Variants in TRHDE observed in about 807,000 individuals in gnomAD.
TRHDE encodes thyrotropin-releasing hormone-degrading ectoenzyme.
Under a neutral mutation model 125.7 loss-of-function variants are expected in TRHDE, and 72 were observed. The observed-to-expected ratio is 0.57, with a 90% CI of 0.47 to 0.70. TRHDE has a LOEUF of 0.70. Among genes scored for constraint, TRHDE ranks in the 30% least tolerant of loss-of-function variants. The pLI is 0.00. For synonymous variants in TRHDE, 509 were observed against 509.1 expected (o/e 1.00, Z 0.00); for missense variants, 1,110 against 1,327.1 (o/e 0.84, Z 2.54).
At chr12:72,411,840 T>A (rs1873524432) in intron 3 of TRHDE, among the ~76,000 whole-genome samples, 1 of 152,112 alleles carries the variant, frequency 6.6e-6, no homozygotes, top group Non-Finnish European at 1.5e-5. Context: ...TTGAGGGATA[T>A]TTGAGCAGTG....
chr12:72,544,822 G>T (rs1458672139), intron 7 of TRHDE, among the ~76,000 whole-genome samples: 2 of 151,428 alleles, frequency 1.3e-5, no homozygotes, highest in Non-Finnish European at 1.5e-5. Flanking sequence ...AGGTTTCTGG[G>T]TTAGTTCACA....
intron 2 of TRHDE, among the ~76,000 whole-genome samples, chr12:72,210,493 C>T (rs1877758397): frequency 6.6e-6 from 1 of 151,794 alleles, no homozygotes; most frequent in African/African-American, 2.4e-5. Context: ...ATAATGTTGT[C>T]CAAATAATGT....
intron 2 of TRHDE, among the ~76,000 whole-genome samples, chr12:72,159,862 T>A (rs1205704474): frequency 6.6e-6 from 1 of 152,162 alleles, no homozygotes; most frequent in Non-Finnish European, 1.5e-5. Flanking sequence ...TTTTTTCTAA[T>A]TTCTTTCCTT....
rs1438675357 is a variant in TRHDE, at chr12:72,634,871, T to C, written c.2675+13120T>C. Among the ~76,000 whole-genome samples, 19 of 152,104 alleles carry C rather than the reference T, an allele frequency of 1.2e-4. No individual in the cohort carries two copies. In the East Asian group the frequency reaches 3.5e-3, roughly 28 times the overall value. Reference sequence around the variant, plus strand: ...GCTGCATAGTATTCCATGGTGTATATGTGCCACATTTTCTTAATCCAGTCT... The same window carrying C: ...GCTGCATAGTATTCCATGGTGTATACGTGCCACATTTTCTTAATCCAGTCT... On this transcript the variant is annotated intron_variant, in intron 15 of 18. Coordinates refer to ENST00000261180, the MANE Select transcript of TRHDE (RefSeq NM_013381.3).
chr12:72,129,073 A>G (rs779388482), intron 2 of TRHDE, among the ~76,000 whole-genome samples: 2 of 152,208 alleles, frequency 1.3e-5, no homozygotes, highest in Non-Finnish European at 2.9e-5. Flanking sequence ...GGAACAAAGA[A>G]TAGGATGAAA....
At position 72,273,809 on chromosome 12, in the gene TRHDE, G is replaced by T. The variant is rs1879368782; in HGVS notation, c.914+252G>T. 1 of 475,494 alleles carries T rather than the reference G, an allele frequency of 2.1e-6. No individual in the cohort carries two copies. The highest frequency in any genetic ancestry group is 3.8e-6 in the Non-Finnish European group (1 of 265,922). The allele number at this position is 475,494 out of a possible 1,614,324, so 29.5% of individuals were successfully genotyped here. ...GAATGCTGCCCCCTCCTCTAGTCGG[G>T]ACCTCTCCTCTTCCTGTCAGAGTTC... is the stretch of plus-strand genomic sequence containing the variant. On this transcript the variant is annotated intron_variant, in intron 1 of 18. Coordinates refer to ENST00000261180, the MANE Select transcript of TRHDE (RefSeq NM_013381.3). This position sits in a 1 kb window ranked among gnomAD's most constrained non-coding sequence, Gnocchi z 5.3.
At chr12:72,357,158 A>G (rs961928920) in intron 2 of TRHDE, among the ~76,000 whole-genome samples, 18 of 151,564 alleles carry the variant, frequency 1.2e-4, no homozygotes, top group African/African-American at 4.4e-4. Flanking sequence ...TACCAACAGC[A>G]TTCTTCACAG....
intron 3 of TRHDE, among the ~76,000 whole-genome samples, chr12:72,420,886 T>C (rs1225832046): frequency 6.6e-6 from 1 of 152,224 alleles, no homozygotes; most frequent in African/African-American, 2.4e-5. Context: ...TCGTAGACTT[T>C]TCATACACAT....
intron 2 of TRHDE, among the ~76,000 whole-genome samples, chr12:72,147,168 A>G (rs1876247890): frequency 6.6e-6 from 1 of 152,070 alleles, no homozygotes. Flanking sequence ...GCACGAAAAC[A>G]GAAATGCCTG....
At chr12:72,452,438 C>T (rs568639291) in intron 3 of TRHDE, among the ~76,000 whole-genome samples, 5 of 152,202 alleles carry the variant, frequency 3.3e-5, no homozygotes, top group African/African-American at 9.6e-5. Context: ...TATTTCTTCT[C>T]TTGCCTAATT....
chr12:72,302,344 A>G (rs1187369312), intron 2 of TRHDE, among the ~76,000 whole-genome samples: 1 of 152,044 alleles, frequency 6.6e-6, no homozygotes, highest in Non-Finnish European at 1.5e-5. Context: ...GAGGAAAACG[A>G]CATACAACTT....
chr12:72,154,487 C>T (rs975662871), intron 2 of TRHDE, among the ~76,000 whole-genome samples: 9 of 152,146 alleles, frequency 5.9e-5, no homozygotes, highest in East Asian at 1.9e-4. Context: ...TTCTTCCTAG[C>T]CTCGATGGTC....
At chr12:72,335,572 G>GT (rs1207386860) in intron 2 of TRHDE, among the ~76,000 whole-genome samples, 1 of 152,300 alleles carries the variant, frequency 6.6e-6, no homozygotes, top group East Asian at 1.9e-4. Flanking sequence ...CATTCATTAA[G>GT]TAAGTGCTCT....
At chr12:72,506,232 G>A (rs1197378754) in intron 6 of TRHDE, among the ~76,000 whole-genome samples, 3 of 152,054 alleles carry the variant, frequency 2.0e-5, no homozygotes, top group African/African-American at 7.2e-5. Context: ...GAATGCTTGG[G>A]TCTGGGAGTT....
intron 2 of TRHDE, among the ~76,000 whole-genome samples, chr12:72,247,398 T>A (rs938803291): frequency 6.6e-6 from 1 of 152,182 alleles, no homozygotes; most frequent in Admixed American, 6.5e-5. Context: ...CATCATAGAT[T>A]CCCTGAAAGG....
intron 2 of TRHDE, among the ~76,000 whole-genome samples, chr12:72,261,223 G>T (rs1371422367): frequency 6.6e-6 from 1 of 152,096 alleles, no homozygotes; most frequent in Non-Finnish European, 1.5e-5. Context: ...AGATCTTGAT[G>T]GTACCGGACT....
chr12:72,638,261 G>T (rs1322214480), intron 15 of TRHDE, among the ~76,000 whole-genome samples: 1 of 149,830 alleles, frequency 6.7e-6, no homozygotes, highest in Admixed American at 6.7e-5. Context: ...TTATGTAATG[G>T]CCTTCTTTGT....
At chr12:72,377,868 T>C (rs1871961472) in intron 2 of TRHDE, 127 bp from the exon 3 acceptor site, 2 of 608,758 alleles carry the variant, frequency 3.3e-6, no homozygotes, top group African/African-American at 3.8e-5. Flanking sequence ...TTTGATATAG[T>C]GTATGAACGA....
At chr12:72,302,246 A>ATG (rs10581163) in intron 2 of TRHDE, among the ~76,000 whole-genome samples, 268 of 149,346 alleles carry the variant, frequency 1.8e-3, no homozygotes, top group African/African-American at 3.9e-3. Context: ...GTGTGTGTGT[A>ATG]TGTGTGTGTG....
Sources: allele counts gnomAD v4.1 joint callset (sites outside exome capture counted in the v4.1 genomes callset), GRCh38; gene constraint gnomAD v4.1.1; non-coding constraint Gnocchi (gnomAD v3.1); transcripts MANE v1.5; gene names NCBI Gene and HGNC (gene_info 2026-07-23, HGNC 2026-07-21).